ATRNL1: variants seen among roughly 807,000 people sequenced by gnomAD.
ATRNL1 encodes the protein attractin-like protein 1.
A neutral mutation model predicts 182.7 loss-of-function variants in ATRNL1; 95 were observed. The observed-to-expected ratio is 0.52, with a 90% CI of 0.44 to 0.62. The LOEUF is 0.62. Ranked by LOEUF, ATRNL1 falls within the 20% of genes least tolerant of loss-of-function variation. The pLI is 0.00. For missense variants in ATRNL1, 1,471 were observed against 1,679.5 expected (o/e 0.88, Z 2.17); for synonymous variants, 576 against 568.3 (o/e 1.01, Z -0.19).
At chr10:115,885,238 T>C (rs1187033116) in intron 28 of ATRNL1, among the ~76,000 whole-genome samples, 5 of 152,220 alleles carry the variant, frequency 3.3e-5, no homozygotes, top group African/African-American at 1.2e-4. Flanking sequence ...TCATTTGAAA[T>C]TCCATTGTTC....
At chr10:115,176,508 G>A (rs114892481) in intron 8 of ATRNL1, among the ~76,000 whole-genome samples, 8 of 152,040 alleles carry the variant, frequency 5.3e-5, no homozygotes, top group South Asian at 2.1e-4. Context: ...AGAATTAGTC[G>A]ATCTGTTGGA....
intron 24 of ATRNL1, among the ~76,000 whole-genome samples, chr10:115,475,502 C>T (rs1407312606): frequency 6.6e-6 from 1 of 151,384 alleles, no homozygotes; most frequent in Non-Finnish European, 1.5e-5. Flanking sequence ...GCATATCTCA[C>T]TTATTTCTCC....
At chr10:115,358,383 G>T (rs1554943379) in intron 19 of ATRNL1, among the ~76,000 whole-genome samples, 2 of 151,544 alleles carry the variant, frequency 1.3e-5, no homozygotes, top group African/African-American at 4.8e-5. Flanking sequence ...ACTGAGCCCA[G>T]ATAACTTTTC....
Position 115,327,681 on chromosome 10 carries a change from C to T in ATRNL1, c.3038-6601C>T, listed in dbSNP as rs879950067. Reference sequence around the variant, plus strand: ...ATTCACAATAGCAAAGACTTGGAACCAACCCAAATGTCCAACAATGATAGA... The same window carrying T: ...ATTCACAATAGCAAAGACTTGGAACTAACCCAAATGTCCAACAATGATAGA... On this transcript the variant is annotated intron_variant, in intron 18 of 28. Coordinates refer to ENST00000355044, the MANE Select transcript of ATRNL1 (RefSeq NM_207303.4). Among the ~76,000 whole-genome samples the T allele has an allele frequency of 6.1e-3, 926 of 150,806 alleles. 1 individual carries two copies. Among genetic ancestry groups the T allele is most frequent in the Non-Finnish European group, 0.011 (713 of 67,818 alleles).
At position 115,462,739 on chromosome 10, in the gene ATRNL1, A is replaced by T. The variant is rs944796030; in HGVS notation, c.3417+704A>T. 4.6e-5 allele frequency among the ~76,000 whole-genome samples: 7 copies of T among 152,168 alleles called. No homozygotes were observed. The East Asian group carries it at 9.6e-4, about 21-fold the overall frequency. ...TCTCAGTCAGTAGTTTATCTGAGTT[A>T]TATGAATGATGGCTCCTTTAATGAA... On this transcript the variant is annotated intron_variant, in intron 22 of 28. Coordinates refer to ENST00000355044, the MANE Select transcript of ATRNL1 (RefSeq NM_207303.4).
At chr10:115,745,672 A>G (rs1948270786) in intron 27 of ATRNL1, among the ~76,000 whole-genome samples, 1 of 152,126 alleles carries the variant, frequency 6.6e-6, no homozygotes, top group Admixed American at 6.6e-5. Flanking sequence ...TGACTGTGTG[A>G]TGGTATCTTG....
intron 28 of ATRNL1, among the ~76,000 whole-genome samples, chr10:115,870,192 C>A (rs1351273953): frequency 6.6e-6 from 1 of 151,966 alleles, no homozygotes; most frequent in Non-Finnish European, 1.5e-5. Flanking sequence ...TTGAATATCA[C>A]AAAAAAGTAA....
In ATRNL1 at chr10:115,730,995, G is replaced by A. The variant is rs78224311; in HGVS notation, c.3903+3640G>A. On this transcript the variant is annotated intron_variant, in intron 27 of 28. Transcript: ENST00000355044. ...TGGACTAGGCCAGTCTAGTCTTTTCGTGTTTTTTTCTGCCTGCTTTATATT... is the reference window on the plus strand; with the variant it reads ...TGGACTAGGCCAGTCTAGTCTTTTCATGTTTTTTTCTGCCTGCTTTATATT... Among the ~76,000 whole-genome samples, 1,511 of 152,212 alleles carry A rather than the reference G, an allele frequency of 9.9e-3. 26 individuals are homozygous for A. The highest frequency in any genetic ancestry group is 0.034 in the African/African-American group (1,421 of 41,514).
rs1321025840 is a variant in ATRNL1, at chr10:115,403,829, T to A, written c.3269+9077T>A. Among the ~76,000 whole-genome samples, 4 of 152,364 alleles carry A rather than the reference T, an allele frequency of 2.6e-5. No homozygotes were observed. In the East Asian group the frequency reaches 5.8e-4, roughly 22 times the overall value. On this transcript the variant is annotated intron_variant, in intron 20 of 28. Coordinates refer to ENST00000355044, the MANE Select transcript of ATRNL1 (RefSeq NM_207303.4). ...GCAACTGCAGATAAGACTAATGGTT[T>A]CTTTGTGATAATGAGTTAAGCAGCC...
chr10:115,657,140 A>T (rs191800645), intron 26 of ATRNL1, among the ~76,000 whole-genome samples: 314 of 152,238 alleles, frequency 2.1e-3, no homozygotes, highest in African/African-American at 7.1e-3. Flanking sequence ...ACATGATTTT[A>T]AAAAAATACA....
At chr10:115,864,569 A>C (rs1429986666) in intron 28 of ATRNL1, among the ~76,000 whole-genome samples, 1 of 152,226 alleles carries the variant, frequency 6.6e-6, no homozygotes, top group Non-Finnish European at 1.5e-5. Flanking sequence ...CCAAATGATC[A>C]AGGTCAATAT....
intron 8 of ATRNL1, among the ~76,000 whole-genome samples, chr10:115,214,505 T>A (rs978532974): frequency 6.6e-6 from 1 of 152,104 alleles, no homozygotes; most frequent in African/African-American, 2.4e-5. Flanking sequence ...TTCTATTTTT[T>A]ATGATCATTG....
intron 26 of ATRNL1, among the ~76,000 whole-genome samples, chr10:115,725,129 C>T (rs1208482228): frequency 1.3e-5 from 2 of 152,064 alleles, no homozygotes; most frequent in Non-Finnish European, 2.9e-5. Flanking sequence ...AAGTCCTGGG[C>T]AAGAAGAATA....
chr10:115,249,653 T>C (rs1342841649), intron 10 of ATRNL1, among the ~76,000 whole-genome samples: 1 of 152,150 alleles, frequency 6.6e-6, no homozygotes, highest in South Asian at 2.1e-4. Context: ...GAGTACATTA[T>C]GTTATTTTAT....
At chr10:115,108,443 G>T (rs1554866767) in intron 1 of ATRNL1, among the ~76,000 whole-genome samples, 1 of 152,204 alleles carries the variant, frequency 6.6e-6, no homozygotes, top group Non-Finnish European at 1.5e-5. Flanking sequence ...TGATCGGAAA[G>T]GACTGGCTGG....
intron 25 of ATRNL1, among the ~76,000 whole-genome samples, chr10:115,522,413 T>C (rs1554985487): frequency 1.3e-5 from 2 of 152,066 alleles, no homozygotes; most frequent in African/African-American, 4.8e-5. Flanking sequence ...TGGGAACTAA[T>C]AGAGTGAGAA....
At chr10:115,635,719 T>C (rs1260157250) in intron 26 of ATRNL1, among the ~76,000 whole-genome samples, 1 of 152,120 alleles carries the variant, frequency 6.6e-6, no homozygotes, top group East Asian at 1.9e-4. Context: ...AGCCACAACC[T>C]GGTATTACTC....
In ATRNL1 at chr10:115,196,378, A is replaced by G. The variant is rs141921953; in HGVS notation, c.1349-19319A>G. ...CTAAATCTGGCGGTGTAAGTCTTCC[A>G]TCTTTTTTTCCATTTTAAAAAGTTT... On this transcript the variant is annotated intron_variant, in intron 8 of 28. Transcript: ENST00000355044. 3.6e-3 allele frequency among the ~76,000 whole-genome samples: 542 copies of G among 152,178 alleles called. 2 individuals carry two copies. The highest frequency in any genetic ancestry group is 0.013 in the African/African-American group (523 of 41,500).
intron 26 of ATRNL1, among the ~76,000 whole-genome samples, chr10:115,678,809 C>A (rs1593054597): frequency 6.6e-6 from 1 of 152,210 alleles, no homozygotes; most frequent in African/African-American, 2.4e-5. Flanking sequence ...CCAGTCACTG[C>A]AGCTGGCTCA....
Sources: gnomAD v4.1 joint callset for allele counts (sites outside exome capture counted in the v4.1 genomes callset) on GRCh38, gnomAD v4.1.1 for gene constraint, MANE v1.5 for transcripts, NCBI Gene and HGNC (gene_info 2026-07-23, HGNC 2026-07-21) for gene names.